Variants in ZNF396 observed in about 807,000 individuals in gnomAD.
ZNF396 encodes zinc finger protein 396, also known as zinc finger and SCAN domain-containing protein 14.
A neutral mutation model predicts 20.5 loss-of-function variants in ZNF396; 14 were observed. The ratio of observed to expected loss-of-function variants is 0.68; its 90% CI spans 0.45 to 1.07. The LOEUF is 1.07. Among genes scored for constraint, ZNF396 ranks in the 50% least tolerant of loss-of-function variants. The pLI, the probability that ZNF396 is intolerant of heterozygous loss-of-function variation, is 0.00. For missense variants in ZNF396, 347 were observed against 390.1 expected (o/e 0.89, Z 0.93); for synonymous variants, 119 against 140.6 (o/e 0.85, Z 1.08).
In ZNF396 at chr18:35,369,260, A is replaced by T. The variant is rs2045138434; in HGVS notation, c.963T>A (p.Asn321Lys). ...DCGKAFSQSS[N>K]LFRHRKRHIR... Reference sequence around the variant, plus strand: ...TGTGTCTTTTCCTATGTCTAAAAAGATTTGAGCTCTGACTAAAGGCTTTGC... The same window carrying T: ...TGTGTCTTTTCCTATGTCTAAAAAGTTTTGAGCTCTGACTAAAGGCTTTGC... The change falls in exon 4 of 4, where the codon AAT (asparagine) becomes AAA (lysine). Residue 321 changes from asparagine to lysine, a missense_variant. Physicochemically the swap from Asn to Lys is moderately conservative, Grantham distance 94 (BLOSUM62 0). Coordinates refer to ENST00000589332, the MANE Select transcript of ZNF396 (RefSeq NM_001322286.2). 1.9e-6 allele frequency: 3 copies of T among 1,610,056 alleles called. No homozygotes were observed. Among genetic ancestry groups the T allele is most frequent in the Non-Finnish European group, 2.5e-6 (3 of 1,178,658 alleles).
At chr18:35,376,161 C>T (rs1023365693) in intron 1 of ZNF396, 30 of 152,124 alleles carry the variant, frequency 2.0e-4, no homozygotes, top group Admixed American at 1.6e-3. Flanking sequence ...TGTATCCTGC[C>T]ATTTGACTTA....
At chr18:35,369,878 A>C (rs1166326632) in intron 3 of ZNF396, among the ~76,000 whole-genome samples, 9 of 152,236 alleles carry the variant, frequency 5.9e-5, no homozygotes. Context: ...TGGAAAAGAC[A>C]GAATAGGGAA....
At chr18:35,371,662 A>AC (rs1302053388) in intron 3 of ZNF396, 2 of 152,216 alleles carry the variant, frequency 1.3e-5, no homozygotes, top group East Asian at 3.9e-4. Context: ...TCACCAATTA[A>AC]CCCATTAATC....
rs899711302 is a variant in ZNF396, at chr18:35,374,375, A to C, written c.-72-11T>G. ...TCCTGATGGACACTCCTTAAATATG[A>C]TTAAAGAAACAAGTGGAAAGAAGAC... On this transcript the variant is annotated splice_polypyrimidine_tract_variant and intron_variant, in intron 1 of 3. Transcript: ENST00000589332. The surrounding 1 kb of genome is among the most constrained non-coding windows in gnomAD (Gnocchi z 4.3). 7.5e-7 allele frequency: 1 copy of C among 1,338,892 alleles called. No individual in the cohort carries two copies. Among genetic ancestry groups the C allele is most frequent in the Non-Finnish European group, 1.0e-6 (1 of 984,062 alleles). The allele number at this position is 1,338,892 out of a possible 1,614,324, so 82.9% of individuals were successfully genotyped here.
rs1169638705 is a variant in ZNF396 at position 35,374,124 on chromosome 18, G to T, written c.169C>A (p.Gln57Lys). The T allele has an allele frequency of 1.2e-6, 2 of 1,614,100 alleles. No homozygotes were observed. Among genetic ancestry groups the T allele is most frequent in the Admixed American group, 1.7e-5 (1 of 60,006 alleles). The change falls in exon 2 of 4, where the codon CAG becomes AAG. Residue 57 changes from glutamine to lysine, a missense_variant. Coordinates refer to ENST00000589332, the MANE Select transcript of ZNF396 (RefSeq NM_001322286.2). This position sits in a 1 kb window ranked among gnomAD's most constrained non-coding sequence, Gnocchi z 4.3. ...CCAGGTGAATCCTGGTAGCCAAACT[G>T]CCTGAATTGCTGGCGGAAGGTCTCT... ...SPETFRQQFR[Q>K]FGYQDSPGPH...
In ZNF396 at chr18:35,373,730, C is replaced by A. The variant is rs563200026; in HGVS notation, c.418-130G>T. On this transcript the variant is annotated intron_variant, in intron 2 of 3. Coordinates refer to ENST00000589332, the MANE Select transcript of ZNF396 (RefSeq NM_001322286.2). ...GGGAGGGAAAAAGTAGAGCCACCTT[C>A]TATTTGCTGGGACACCCATTAGTAC... The A allele has an allele frequency of 3.9e-4, 588 of 1,494,918 alleles. 1 individual carries two copies. The highest frequency in any genetic ancestry group is 7.2e-4 in the Middle Eastern group (4 of 5,590). The allele number at this position is 1,494,918 out of a possible 1,614,324, so 92.6% of individuals were successfully genotyped here.
Position 35,368,305 on chromosome 18 carries a change from A to T in ZNF396, c.*910T>A. The T allele has an allele frequency of 9.4e-7, 1 of 1,064,736 alleles. No individual in the cohort carries two copies. The highest frequency in any genetic ancestry group is 1.3e-6 in the Non-Finnish European group (1 of 771,700). The allele number at this position is 1,064,736 out of a possible 1,614,324, so 66.0% of individuals were successfully genotyped here. A position where few individuals can be genotyped will look rare whatever the true frequency, so the allele number is the denominator to read the frequency against. On this transcript the variant is annotated 3_prime_UTR_variant, in exon 4 of 4. Transcript: ENST00000589332. ...CAACACGGGAAATTAACTTGATATT[A>T]ATAGTATGGAGGCTCTTGTGTGCTT... is the stretch of plus-strand genomic sequence containing the variant.
rs368462782 is a variant in ZNF396, at chr18:35,374,041, T to C, written c.252A>G (p.Glu84=). 1.8e-5 allele frequency: 29 copies of C among 1,614,242 alleles called. 1 individual carries two copies. The highest frequency in any genetic ancestry group is 4.5e-5 in the East Asian group (2 of 44,884). ...WELCHLWLRP[E]VHTKEQILEL... is the part of the protein sequence containing the mutation. The stretch of plus-strand genomic sequence containing the variant: ...CCAGGATCTGCTCCTTGGTGTGCAC[T>C]TCCGGCCTCAGCCAGAGATGACAAA... The change falls in exon 2 of 4, where the codon GAA becomes GAG. Residue 84 remains glutamate, a synonymous_variant. Transcript: ENST00000589332. This position sits in a 1 kb window ranked among gnomAD's most constrained non-coding sequence, Gnocchi z 4.3.
At chr18:35,375,022 G>A (rs1244530619) in intron 1 of ZNF396, among the ~76,000 whole-genome samples, 1 of 152,072 alleles carries the variant, frequency 6.6e-6, no homozygotes, top group South Asian at 2.1e-4. Context: ...AGAGCCAATC[G>A]GTATTTAGTG....
chr18:35,370,570 T>G (rs1449404792), intron 3 of ZNF396, among the ~76,000 whole-genome samples: 1 of 125,898 alleles, frequency 7.9e-6, no homozygotes, highest in Non-Finnish European at 1.6e-5. Context: ...TGGAGTGCAG[T>G]GGCGGGATCT....
At chr18:35,376,574 G>A (rs2143920977) in intron 1 of ZNF396, among the ~76,000 whole-genome samples, 1 of 152,272 alleles carries the variant, frequency 6.6e-6, no homozygotes, top group South Asian at 2.1e-4. Context: ...AGGAGGAAGT[G>A]GCGGCAGGCA....
chr18:35,377,305 G>A lies in ZNF396; in HGVS notation c.-100C>T, dbSNP rs2045273428. ...CCCGACGCCGTCGGGGAGAAACCGG[G>A]GAACTGCCAGCTGCGCAACAACTTC... On this transcript the variant is annotated 5_prime_UTR_variant, in exon 1 of 4. Coordinates refer to ENST00000589332, the MANE Select transcript of ZNF396 (RefSeq NM_001322286.2). The A allele has an allele frequency of 6.6e-6, 1 of 152,182 alleles. No homozygotes were observed. Among genetic ancestry groups the A allele is most frequent in the African/African-American group, 2.4e-5 (1 of 41,446 alleles). 9.4% of individuals were successfully genotyped at this position (152,182 alleles called of 1,614,324 possible).
At position 35,374,253 on chromosome 18, in the gene ZNF396, G is replaced by C. The variant is rs770875788; in HGVS notation, c.40C>G (p.Gln14Glu). 3 of 1,614,148 alleles carry C rather than the reference G, an allele frequency of 1.9e-6. No individual in the cohort carries two copies. The highest frequency in any genetic ancestry group is 1.1e-5 in the South Asian group (1 of 91,082). Residue 14 changes from glutamine to glutamate, a missense_variant, in exon 2 of 4, where the codon CAA becomes GAA. By Grantham distance (29) the Gln-to-Glu change is conservative. Coordinates refer to ENST00000589332, the MANE Select transcript of ZNF396 (RefSeq NM_001322286.2). The surrounding 1 kb of genome is among the most constrained non-coding windows in gnomAD (Gnocchi z 4.3). Reference protein sequence around the residue: ...KLGKSSSLLTQTSEECNGILT... With the variant: ...KLGKSSSLLTETSEECNGILT... ...ATCCCATTACACTCCTCTGAAGTTTGTGTTAGGAGTGATGATGACTTTCCC... is the reference window on the plus strand; with the variant it reads ...ATCCCATTACACTCCTCTGAAGTTTCTGTTAGGAGTGATGATGACTTTCCC...
chr18:35,369,091 A>T lies in ZNF396; in HGVS notation c.*124T>A. 7.0e-7 allele frequency: 1 copy of T among 1,426,776 alleles called. No individual in the cohort carries two copies. Among genetic ancestry groups the T allele is most frequent in the African/African-American group, 1.4e-5 (1 of 69,408 alleles). 88.4% of individuals were successfully genotyped at this position (1,426,776 alleles called of 1,614,324 possible). On this transcript the variant is annotated 3_prime_UTR_variant, in exon 4 of 4. Transcript: ENST00000589332. ...TTCAACCTTCTCTCCTGTGGCTTTC[A>T]TGAGTCTTGAAAGGAGACTGGTGCT...
chr18:35,368,593 A>G lies in ZNF396; in HGVS notation c.*622T>C, dbSNP rs1298418158. The G allele has an allele frequency of 8.7e-6, 4 of 458,558 alleles. No individual in the cohort carries two copies. The highest frequency in any genetic ancestry group is 1.2e-5 in the Non-Finnish European group (4 of 337,626). 28.4% of individuals were successfully genotyped at this position (458,558 alleles called of 1,614,324 possible). On this transcript the variant is annotated 3_prime_UTR_variant, in exon 4 of 4. Transcript: ENST00000589332. ...CAGCCTCCCTAGTAGCTGGGATTAC[A>G]GGTACACGTTGCCATGCCTGGCTAA...
chr18:35,374,092 A>G lies in ZNF396; in HGVS notation c.201T>C (p.His67=), dbSNP rs1250097904. 1 of 1,614,216 alleles carries G rather than the reference A, an allele frequency of 6.2e-7. No homozygotes were observed. ...GTTCCCAGAGCCGGCTCAGAGCCTCATGGGGCCCAGGTGAATCCTGGTAGC... is the reference window on the plus strand; with the variant it reads ...GTTCCCAGAGCCGGCTCAGAGCCTCGTGGGGCCCAGGTGAATCCTGGTAGC... ...QFGYQDSPGP[H]EALSRLWELC... Residue 67 remains histidine, a synonymous_variant, in exon 2 of 4, where the codon CAT becomes CAC. Transcript: ENST00000589332. The surrounding 1 kb of genome is among the most constrained non-coding windows in gnomAD (Gnocchi z 4.3).
intron 3 of ZNF396, among the ~76,000 whole-genome samples, chr18:35,371,474 T>C (rs890656744): frequency 6.6e-5 from 10 of 152,228 alleles, no homozygotes; most frequent in African/African-American, 2.2e-4. Flanking sequence ...CTTATAGTTA[T>C]GGAGGTTGAG....
At chr18:35,373,846 G>C in intron 2 of ZNF396, 30 bp downstream of exon 2, 1 of 1,586,728 alleles carries the variant, frequency 6.3e-7, no homozygotes, top group Non-Finnish European at 8.6e-7. Context: ...ACTCAGCCTG[G>C]GGGTTCATCT....
At position 35,373,997 on chromosome 18, in the gene ZNF396, T is replaced by C; in HGVS notation, c.296A>G (p.Gln99Arg). 1 of 1,614,258 alleles carries C rather than the reference T, an allele frequency of 6.2e-7. No homozygotes were observed. The highest frequency in any genetic ancestry group is 8.5e-7 in the Non-Finnish European group (1 of 1,180,036). Residue 99 changes from glutamine (Q) to arginine (R), a missense_variant, in exon 2 of 4, where the codon CAG becomes CGG. Transcript: ENST00000589332. ...CTCTTTTGGGAGGATGGCCAGGAAC[T>C]GCTCCAGCACCAGCAGCTCCAGGAT... ...EQILELLVLE[Q>R]FLAILPKELQ... is the part of the protein sequence containing the mutation.
Sources: allele counts gnomAD v4.1 joint callset (sites outside exome capture counted in the v4.1 genomes callset), GRCh38; gene constraint gnomAD v4.1.1; non-coding constraint Gnocchi (gnomAD v3.1); transcripts MANE v1.5; gene names NCBI Gene and HGNC (gene_info 2026-07-23, HGNC 2026-07-21).